The following TNIK variants were observed in gnomAD, a reference collection of about 807,000 sequenced individuals.
The protein encoded by TNIK is TRAF2 and NCK interacting kinase.
Under a neutral mutation model 191.3 loss-of-function variants are expected in TNIK, and 49 were observed. That is an observed-to-expected ratio of 0.26 (90% CI 0.20 to 0.32). The LOEUF (loss-of-function observed/expected upper bound fraction) is 0.32. Among genes scored for constraint, TNIK ranks in the 10% least tolerant of loss-of-function variants. The probability of loss-of-function intolerance (pLI) is 1.00; values close to 1 mark genes in which losing one functional copy is unlikely to be tolerated. For missense variants in TNIK, 1,155 were observed against 1,702.3 expected, an observed-to-expected ratio of 0.68 and a Z score of 5.66; for synonymous variants, 594 against 600.9, an observed-to-expected ratio of 0.99 and a Z score of 0.17.
chr3:171,184,687 A>T (rs972442334), intron 7 of TNIK, among the ~76,000 whole-genome samples: 1 of 152,198 alleles, frequency 6.6e-6, no homozygotes, highest in African/African-American at 2.4e-5. Context: ...CTCTCAGGTG[A>T]CACCCTGCAC....
Position 171,126,164 on chromosome 3 carries a change from A to C in TNIK, c.1774-13T>G. 6.6e-7 allele frequency: 1 copy of C among 1,522,196 alleles called. No individual in the cohort carries two copies. Among genetic ancestry groups the C allele is most frequent in the East Asian group, 2.3e-5 (1 of 43,968 alleles). The allele number at this position is 1,522,196 out of a possible 1,614,324, so 94.3% of individuals were successfully genotyped here. Reference sequence around the variant, plus strand: ...CCAGATGTGGGATCTAAGCATCAAAACAACATGAAAACAGCACTATTAGAA... The same window carrying C: ...CCAGATGTGGGATCTAAGCATCAAACCAACATGAAAACAGCACTATTAGAA... On this transcript the variant is annotated splice_polypyrimidine_tract_variant and intron_variant, in intron 16 of 32. Coordinates refer to ENST00000436636, the MANE Select transcript of TNIK (RefSeq NM_015028.4).
intron 4 of TNIK, among the ~76,000 whole-genome samples, chr3:171,208,352 GA>G (rs369720419): frequency 4.7e-5 from 7 of 149,078 alleles, no homozygotes; most frequent in African/African-American, 7.4e-5. Flanking sequence ...AAAGATTAGA[GA>G]AAAAAAAAGC....
At chr3:171,101,279 TAGATAG>T (rs1278980402) in intron 22 of TNIK, among the ~76,000 whole-genome samples, 164 bp downstream of exon 22, 3 of 152,124 alleles carry the variant, frequency 2.0e-5, no homozygotes, top group African/African-American at 7.2e-5. Flanking sequence ...ATTGTGTCCA[TAGATAG>T]AGATAATTAT....
chr3:171,400,325 G>A (rs1388462014), intron 1 of TNIK, among the ~76,000 whole-genome samples: 1 of 152,120 alleles, frequency 6.6e-6, no homozygotes, highest in African/African-American at 2.4e-5. Context: ...AACACTTTGG[G>A]AGGCCAAGGC....
chr3:171,341,981 T>G (rs1757581097), intron 2 of TNIK, among the ~76,000 whole-genome samples: 1 of 152,226 alleles, frequency 6.6e-6, no homozygotes, highest in Non-Finnish European at 1.5e-5. Flanking sequence ...GTTTTACATT[T>G]TTATTATGAA....
chr3:171,414,977 C>G (rs1050302304), intron 1 of TNIK, among the ~76,000 whole-genome samples: 1 of 152,202 alleles, frequency 6.6e-6, no homozygotes, highest in Non-Finnish European at 1.5e-5. Flanking sequence ...ATACCAGACT[C>G]AGCCTCTACT....
intron 15 of TNIK, among the ~76,000 whole-genome samples, chr3:171,131,303 A>G (rs1371051282): frequency 1.6e-5 from 2 of 123,654 alleles, no homozygotes; most frequent in Non-Finnish European, 3.2e-5. Context: ...GCGCCACTGC[A>G]CTCCAGCCTG....
At chr3:171,441,885 A>G (rs190100480) in intron 1 of TNIK, among the ~76,000 whole-genome samples, 2 of 152,350 alleles carry the variant, frequency 1.3e-5, no homozygotes, top group Admixed American at 1.3e-4. Context: ...AAGTCTGTGA[A>G]GTGCAGAGTT....
chr3:171,341,322 A>T (rs996839768), intron 2 of TNIK, among the ~76,000 whole-genome samples: 4 of 151,670 alleles, frequency 2.6e-5, no homozygotes, highest in Admixed American at 2.6e-4. Flanking sequence ...AAAATACAAA[A>T]ATTAGCCAGG....
At chr3:171,421,313 G>A (rs1472196640) in intron 1 of TNIK, among the ~76,000 whole-genome samples, 4 of 152,136 alleles carry the variant, frequency 2.6e-5, no homozygotes, top group Non-Finnish European at 5.9e-5. Context: ...ACAAAGTGAG[G>A]TCCCTGAGCC....
rs1187894388 is a variant in TNIK at position 171,159,685 on chromosome 3, C to T, written c.1016+1585G>A. 6.6e-6 allele frequency among the ~76,000 whole-genome samples: 1 copy of T among 152,234 alleles called. No homozygotes were observed. The highest frequency in any genetic ancestry group is 2.4e-5 in the African/African-American group (1 of 41,462). On this transcript the variant is annotated intron_variant, in intron 11 of 32. Coordinates refer to ENST00000436636, the MANE Select transcript of TNIK (RefSeq NM_015028.4). The surrounding 1 kb of genome is among the most constrained non-coding windows in gnomAD (Gnocchi z 4.1). ...GAAGATCTGAGCTGTGTTAGTGACT[C>T]AACCATTAACTCTGTGTGTGACCTG...
rs753162293 is a variant in TNIK at position 171,085,164 on chromosome 3, C to T, written c.2952G>A (p.Thr984=). 2.3e-5 allele frequency: 37 copies of T among 1,611,782 alleles called. No homozygotes were observed. Among genetic ancestry groups the T allele is most frequent in the South Asian group, 7.7e-5 (7 of 90,350 alleles). Residue 984 remains threonine (T), a synonymous_variant, in exon 25 of 33, where the codon ACG becomes ACA. Coordinates refer to ENST00000436636, the MANE Select transcript of TNIK (RefSeq NM_015028.4). ...TPFVDPRVYQ[T]SPTDEDEEDE... is the part of the protein sequence containing the mutation. ...CCTCTTCATCTTCATCAGTGGGAGA[C>T]GTCTGGTATACTCTGGGGTCCACAA...
At chr3:171,248,725 G>C (rs1745894565) in intron 2 of TNIK, among the ~76,000 whole-genome samples, 1 of 152,188 alleles carries the variant, frequency 6.6e-6, no homozygotes, top group Admixed American at 6.5e-5. Context: ...AATAATAAGA[G>C]TGGGGTGTCA....
chr3:171,401,588 T>C (rs4894436), intron 1 of TNIK, among the ~76,000 whole-genome samples: 1 of 151,252 alleles, frequency 6.6e-6, no homozygotes, highest in South Asian at 2.1e-4. Context: ...ATAGTCTCTG[T>C]GCACTGCTCA....
intron 2 of TNIK, among the ~76,000 whole-genome samples, chr3:171,353,644 A>C (rs1467779878): frequency 6.6e-6 from 1 of 152,070 alleles, no homozygotes; most frequent in Non-Finnish European, 1.5e-5. Flanking sequence ...CTCAGGATTA[A>C]AAAAAATAAA....
At chr3:171,413,596 C>G (rs1307744680) in intron 1 of TNIK, among the ~76,000 whole-genome samples, 3 of 152,198 alleles carry the variant, frequency 2.0e-5, no homozygotes, top group Non-Finnish European at 4.4e-5. Context: ...GCAGACCTCC[C>G]ATGACCAATT....
intron 10 of TNIK, among the ~76,000 whole-genome samples, chr3:171,165,308 G>A (rs1216873741): frequency 2.0e-5 from 3 of 150,358 alleles, no homozygotes; most frequent in African/African-American, 7.3e-5. Context: ...AAAGTGCTGG[G>A]TGGGTGGCTC....
chr3:171,107,954 T>A, intron 20 of TNIK, 111 bp downstream of exon 20: 4 of 1,067,536 alleles, frequency 3.7e-6, no homozygotes, highest in Non-Finnish European at 4.1e-6. Context: ...CATCCGTTCT[T>A]ACTAATCTCA....
chr3:171,117,029 G>C (rs970931467), intron 18 of TNIK, among the ~76,000 whole-genome samples: 3 of 152,210 alleles, frequency 2.0e-5, no homozygotes. Flanking sequence ...TAGCCATCTA[G>C]GAAGGGAACT....
Sources: gnomAD v4.1 joint callset for allele counts (sites outside exome capture counted in the v4.1 genomes callset) on GRCh38, gnomAD v4.1.1 for gene constraint, Gnocchi (gnomAD v3.1) non-coding constraint, MANE v1.5 for transcripts, NCBI Gene and HGNC (gene_info 2026-07-23, HGNC 2026-07-21) for gene names.